BCKDHB: variants seen among roughly 807,000 people sequenced by gnomAD.
The protein encoded by BCKDHB is branched chain keto acid dehydrogenase E1 subunit beta, also known as 2-oxoisovalerate dehydrogenase subunit beta, mitochondrial.
BCKDHB carries 41 observed loss-of-function variants against 48.5 expected under a neutral mutation model. That is an observed-to-expected ratio of 0.85 (90% CI 0.66 to 1.10). BCKDHB has a LOEUF of 1.10. BCKDHB is among the 50% of genes least tolerant of loss of function. The pLI, the probability that BCKDHB is intolerant of heterozygous loss-of-function variation, is 0.00. For synonymous variants in BCKDHB, 201 were observed against 174.8 expected (o/e 1.15, Z -1.18); for missense variants, 496 against 494.2 (o/e 1.00, Z -0.03).
chr6:80,131,173 A>C (rs1017493786), intron 3 of BCKDHB, among the ~76,000 whole-genome samples: 5 of 151,994 alleles, frequency 3.3e-5, no homozygotes, highest in Non-Finnish European at 5.9e-5. Flanking sequence ...GTGACTCCTG[A>C]ATTTCTGTCT....
the BCKDHB span, among the ~76,000 whole-genome samples, chr6:80,411,654 C>A: frequency 6.6e-6 from 1 of 152,212 alleles, no homozygotes; most frequent in Non-Finnish European, 1.5e-5. Flanking sequence ...TGTTTACCTA[C>A]TCAAGTCTCA....
the BCKDHB span, among the ~76,000 whole-genome samples, chr6:80,411,268 G>T: frequency 3.3e-5 from 5 of 152,164 alleles, no homozygotes; most frequent in Non-Finnish European, 7.4e-5. Context: ...GGTATCACCA[G>T]CAGAGGCTGC....
At chr6:80,434,932 T>G in the BCKDHB span, among the ~76,000 whole-genome samples, 39 of 152,310 alleles carry the variant, frequency 2.6e-4, no homozygotes, top group South Asian at 1.7e-3. Flanking sequence ...TGTTTTTCCA[T>G]AGATCTTTGG....
the BCKDHB span, among the ~76,000 whole-genome samples, chr6:80,415,304 A>G: frequency 1.7e-4 from 26 of 152,060 alleles, no homozygotes; most frequent in African/African-American, 6.0e-4. Flanking sequence ...ACTATGTTGA[A>G]TAGGAGTAGT....
At chr6:80,351,633 AT>A in the BCKDHB span, among the ~76,000 whole-genome samples, 405 of 127,946 alleles carry the variant, frequency 3.2e-3, 12 homozygotes, top group African/African-American at 8.0e-3. Context: ...TAGATCTGGA[AT>A]TTTTTTTTTT....
At chr6:80,217,135 G>A (rs577127133) in intron 8 of BCKDHB, among the ~76,000 whole-genome samples, 28 of 152,194 alleles carry the variant, frequency 1.8e-4, no homozygotes, top group Non-Finnish European at 2.2e-4. Flanking sequence ...CCAGCTACTC[G>A]GGAGGCTGGG....
intron 3 of BCKDHB, among the ~76,000 whole-genome samples, chr6:80,140,240 A>T (rs375226865): frequency 5.9e-5 from 9 of 152,244 alleles, no homozygotes; most frequent in Non-Finnish European, 1.3e-4. Flanking sequence ...ACAATCATGT[A>T]ATCTGCAAAC....
chr6:80,107,415 TTGTGTGTATGTG>T (rs932447850), intron 1 of BCKDHB, among the ~76,000 whole-genome samples: 12 of 91,852 alleles, frequency 1.3e-4, no homozygotes, highest in Non-Finnish European at 2.4e-4. Context: ...CATACAGAAA[TTGTGTGTATGTG>T]TGTGTGTGTG....
At chr6:80,234,672 A>G (rs1776072067) in intron 8 of BCKDHB, among the ~76,000 whole-genome samples, 2 of 152,156 alleles carry the variant, frequency 1.3e-5, no homozygotes, top group Non-Finnish European at 2.9e-5. Flanking sequence ...GCGACCCAGC[A>G]ATCCCACTGC....
At chr6:80,207,045 A>G (rs1774699220) in intron 8 of BCKDHB, among the ~76,000 whole-genome samples, 1 of 152,064 alleles carries the variant, frequency 6.6e-6, no homozygotes, top group Non-Finnish European at 1.5e-5. Context: ...AGATATTGAG[A>G]GAATTTATCA....
At chr6:80,440,023 G>A in the BCKDHB span, among the ~76,000 whole-genome samples, 26 of 152,118 alleles carry the variant, frequency 1.7e-4, no homozygotes, top group Non-Finnish European at 3.5e-4. Flanking sequence ...CATGTGAAAA[G>A]GACACTTTGG....
intron 8 of BCKDHB, among the ~76,000 whole-genome samples, chr6:80,233,745 G>A (rs925484235): frequency 1.8e-4 from 28 of 152,116 alleles, no homozygotes; most frequent in African/African-American, 6.3e-4. Flanking sequence ...ACTCTTTCAC[G>A]ATCATCTACA....
At chr6:80,289,640 G>A (rs1181836131) in intron 9 of BCKDHB, among the ~76,000 whole-genome samples, 1 of 152,124 alleles carries the variant, frequency 6.6e-6, no homozygotes, top group Non-Finnish European at 1.5e-5. Context: ...TGGGAAAGGG[G>A]TGAATGAGGA....
chr6:80,457,630 G>A, the BCKDHB span, among the ~76,000 whole-genome samples: 2 of 152,202 alleles, frequency 1.3e-5, no homozygotes, highest in Non-Finnish European at 2.9e-5. Context: ...TTGAACTGAT[G>A]TACAATTGTG....
chr6:80,420,420 C>T, the BCKDHB span, among the ~76,000 whole-genome samples: 1 of 152,150 alleles, frequency 6.6e-6, no homozygotes, highest in African/African-American at 2.4e-5. Flanking sequence ...TGTGCTTTCT[C>T]CAGTTTTATA....
the BCKDHB span, among the ~76,000 whole-genome samples, chr6:80,424,122 TC>T: frequency 6.6e-6 from 1 of 152,178 alleles, no homozygotes; most frequent in African/African-American, 2.4e-5. Flanking sequence ...TAATACTAAA[TC>T]CTCCCAGATT....
At chr6:80,401,235 AAAAT>A in the BCKDHB span, among the ~76,000 whole-genome samples, 1 of 151,944 alleles carries the variant, frequency 6.6e-6, no homozygotes, top group African/African-American at 2.4e-5. Context: ...TTTAAAATTA[AAAAT>A]AAATAACTTT....
intron 9 of BCKDHB, among the ~76,000 whole-genome samples, chr6:80,293,461 A>G (rs1490273984): frequency 6.6e-6 from 1 of 152,182 alleles, no homozygotes; most frequent in East Asian, 1.9e-4. Flanking sequence ...GCAGGGCATC[A>G]AGTCCCTAGA....
At chr6:80,261,438 T>C in intron 8 of BCKDHB, among the ~76,000 whole-genome samples, 1 of 152,038 alleles carries the variant, frequency 6.6e-6, no homozygotes. Flanking sequence ...CTTGCCTTCC[T>C]GTCTGCTTGC....
Sources: allele counts gnomAD v4.1 joint callset (sites outside exome capture counted in the v4.1 genomes callset), GRCh38; gene constraint gnomAD v4.1.1; transcripts MANE v1.5; gene names NCBI Gene and HGNC (gene_info 2026-07-23, HGNC 2026-07-21).